CIB3: variants seen among roughly 807,000 people sequenced by gnomAD.
CIB3 encodes calcium and integrin binding family member 3.
CIB3 carries 22 observed loss-of-function variants against 23.4 expected under a neutral mutation model. That is an observed-to-expected ratio of 0.94 (90% CI 0.67 to 1.34). CIB3 has a LOEUF of 1.34. CIB3 is among the 40% of genes most tolerant of loss of function. The pLI is 0.00. For missense variants in CIB3, 258 were observed against 247.3 expected, an observed-to-expected ratio of 1.04 and a Z score of -0.29; for synonymous variants, 93 against 95.8, an observed-to-expected ratio of 0.97 and a Z score of 0.17.
intron 4 of CIB3, among the ~76,000 whole-genome samples, chr19:16,167,179 T>A (rs2091309236): frequency 6.6e-6 from 1 of 151,794 alleles, no homozygotes; most frequent in African/African-American, 2.4e-5. Context: ...TGAGATCGCG[T>A]CACTGCACTC....
chr19:16,169,133 T>C (rs965356491), intron 3 of CIB3, among the ~76,000 whole-genome samples: 2 of 151,728 alleles, frequency 1.3e-5, no homozygotes, highest in South Asian at 2.1e-4. Context: ...GTGTTTTTTG[T>C]TTGTTGTTTG....
chr19:16,162,300 C>T (rs150034685), intron 5 of CIB3, among the ~76,000 whole-genome samples: 14 of 151,126 alleles, frequency 9.3e-5, no homozygotes, highest in South Asian at 6.3e-4. Context: ...GGTGTGTGCC[C>T]GTACTCCCAG....
intron 5 of CIB3, among the ~76,000 whole-genome samples, chr19:16,163,549 C>T (rs527449257): frequency 1.4e-4 from 22 of 152,044 alleles, no homozygotes; most frequent in Non-Finnish European, 2.1e-4. Flanking sequence ...AGCAAGACTC[C>T]GTCTCAAAAC....
At chr19:16,166,732 G>A (rs2091307111) in intron 4 of CIB3, among the ~76,000 whole-genome samples, 1 of 152,144 alleles carries the variant, frequency 6.6e-6, no homozygotes, top group Non-Finnish European at 1.5e-5. Context: ...TATTTATTGA[G>A]CACCTACTAT....
chr19:16,171,828 T>A (rs971992154), intron 2 of CIB3, among the ~76,000 whole-genome samples: 1 of 152,182 alleles, frequency 6.6e-6, no homozygotes, highest in Non-Finnish European at 1.5e-5. Context: ...GGCTCACTAG[T>A]AAAAGGTGTG....
intron 3 of CIB3, among the ~76,000 whole-genome samples, chr19:16,169,136 G>GTTGT (rs370592597): frequency 2.2e-4 from 34 of 151,900 alleles, no homozygotes; most frequent in Non-Finnish European, 3.7e-4. Context: ...TTTTTTGTTT[G>GTTGT]TTGTTTGTTT....
chr19:16,161,605 C>G, intron 5 of CIB3, 119 bp from the exon 6 acceptor site: 1 of 1,022,406 alleles, frequency 9.8e-7, no homozygotes, highest in South Asian at 1.3e-5. Flanking sequence ...CCACATGGAC[C>G]CCTCAAACAA....
chr19:16,167,060 A>G (rs2091308738), intron 4 of CIB3, among the ~76,000 whole-genome samples: 1 of 152,152 alleles, frequency 6.6e-6, no homozygotes, highest in African/African-American at 2.4e-5. Context: ...TACTAAAAAT[A>G]CAAAAAATTA....
At chr19:16,171,535 A>G (rs2091328277) in intron 2 of CIB3, among the ~76,000 whole-genome samples, 1 of 151,926 alleles carries the variant, frequency 6.6e-6, no homozygotes, top group Admixed American at 6.6e-5. Context: ...CATCCTGACC[A>G]CTCAGTTCCC....
intron 2 of CIB3, among the ~76,000 whole-genome samples, chr19:16,171,153 TAAATAAA>T (rs1358807210): frequency 2.4e-5 from 3 of 124,158 alleles, no homozygotes; most frequent in Non-Finnish European, 3.6e-5. Flanking sequence ...AAAAAATAAA[TAAATAAA>T]AAATAAAAAA....
At position 16,164,925 on chromosome 19, in the gene CIB3, G is replaced by T; in HGVS notation, c.347-12C>A. On this transcript the variant is annotated splice_polypyrimidine_tract_variant and intron_variant, in intron 4 of 5. Coordinates refer to ENST00000269878, the MANE Select transcript of CIB3 (RefSeq NM_054113.4). ...GTCGTTGTTAAAATCTGCAGAGCAGGATGGATGGGGAGTGACAGCAGGTGG... is the reference window on the plus strand; with the variant it reads ...GTCGTTGTTAAAATCTGCAGAGCAGTATGGATGGGGAGTGACAGCAGGTGG... 6.2e-7 allele frequency: 1 copy of T among 1,612,506 alleles called. No individual in the cohort carries two copies. The highest frequency in any genetic ancestry group is 8.5e-7 in the Non-Finnish European group (1 of 1,178,646).
intron 3 of CIB3, 103 bp from the exon 4 acceptor site, chr19:16,168,387 A>G: frequency 1.4e-6 from 2 of 1,464,972 alleles, no homozygotes; most frequent in Admixed American, 4.5e-5. Context: ...ACCTCCAAGT[A>G]CCCTCCATCA....
chr19:16,162,895 T>A (rs990762070), intron 5 of CIB3, among the ~76,000 whole-genome samples: 1 of 133,948 alleles, frequency 7.5e-6, no homozygotes, highest in African/African-American at 2.7e-5. Context: ...TCTTTTTTTT[T>A]TTTTTTTTTT....
chr19:16,163,210 C>T (rs1238097054), intron 5 of CIB3, among the ~76,000 whole-genome samples: 2 of 152,122 alleles, frequency 1.3e-5, no homozygotes, highest in South Asian at 2.1e-4. Context: ...TGCAGTGAGC[C>T]GATTGCACCA....
intron 4 of CIB3, among the ~76,000 whole-genome samples, chr19:16,167,294 C>T (rs1326058498): frequency 6.6e-6 from 1 of 152,032 alleles, no homozygotes; most frequent in Non-Finnish European, 1.5e-5. Flanking sequence ...ACTAAGATAA[C>T]TGTTTTTCTT....
chr19:16,161,608 T>C, intron 5 of CIB3, 122 bp from the exon 6 acceptor site: 1 of 901,120 alleles, frequency 1.1e-6, no homozygotes, highest in Non-Finnish European at 1.7e-6. Context: ...CATGGACCCC[T>C]CAAACAACCC....
chr19:16,166,388 A>G lies in CIB3; in HGVS notation c.347-1475T>C, dbSNP rs55953892. On this transcript the variant is annotated intron_variant, in intron 4 of 5. Coordinates refer to ENST00000269878, the MANE Select transcript of CIB3 (RefSeq NM_054113.4). ...ATTCATTTATTCAAGTATTTCTTGAACACGTACTACGTATCAAGCACCATG... is the reference window on the plus strand; with the variant it reads ...ATTCATTTATTCAAGTATTTCTTGAGCACGTACTACGTATCAAGCACCATG... Among the ~76,000 whole-genome samples the G allele has an allele frequency of 5.4e-3, 818 of 152,254 alleles. 4 individuals are homozygous for G. Among genetic ancestry groups the G allele is most frequent in the Non-Finnish European group, 9.7e-3 (661 of 68,010 alleles).
chr19:16,167,473 AG>A (rs2091310443), intron 4 of CIB3, among the ~76,000 whole-genome samples: 1 of 152,132 alleles, frequency 6.6e-6, no homozygotes, highest in East Asian at 1.9e-4. Flanking sequence ...GAAGAGAAAT[AG>A]GATGGTGGGA....
At chr19:16,173,085 CCA>C (rs2091336574) in intron 2 of CIB3, 75 bp downstream of exon 2, 1 of 1,433,928 alleles carries the variant, frequency 7.0e-7, no homozygotes, top group Non-Finnish European at 9.7e-7. Context: ...CACACACACA[CCA>C]AATTGCAAAT....
Sources: gnomAD v4.1 joint callset for allele counts (sites outside exome capture counted in the v4.1 genomes callset) on GRCh38, gnomAD v4.1.1 for gene constraint, MANE v1.5 for transcripts, NCBI Gene and HGNC (gene_info 2026-07-23, HGNC 2026-07-21) for gene names.